The following STXBP5L variants were observed in gnomAD, a reference collection of about 807,000 sequenced individuals.
STXBP5L encodes syntaxin-binding protein 5-like.
In STXBP5L, 65 loss-of-function variants were observed where a neutral mutation model predicts 144.5. The ratio of observed to expected loss-of-function variants is 0.45; its 90% confidence interval spans 0.37 to 0.55. The LOEUF (loss-of-function observed/expected upper bound fraction) is 0.55, where lower values mean the gene tolerates loss of function less well. Among genes scored for constraint, STXBP5L ranks in the 20% least tolerant of loss-of-function variants. The probability of loss-of-function intolerance (pLI) is 0.00; values close to 1 mark genes in which losing one functional copy is unlikely to be tolerated. For synonymous variants in STXBP5L, 505 were observed against 469.6 expected (o/e 1.08, Z -0.97); for missense variants, 1,298 against 1,405.5 (o/e 0.92, Z 1.22).
chr3:121,058,353 A>T (rs956599005), intron 5 of STXBP5L, among the ~76,000 whole-genome samples: 1 of 152,180 alleles, frequency 6.6e-6, no homozygotes, highest in Non-Finnish European at 1.5e-5. Context: ...CATGTGCCAC[A>T]TTTACTTTAT....
At chr3:121,214,249 G>T (rs1202415216) in intron 10 of STXBP5L, among the ~76,000 whole-genome samples, 2 of 152,042 alleles carry the variant, frequency 1.3e-5, no homozygotes, top group African/African-American at 4.8e-5. Context: ...TCTTCTGCTA[G>T]CTTTTGAATA....
intron 9 of STXBP5L, among the ~76,000 whole-genome samples, chr3:121,159,256 T>A (rs989857601): frequency 5.3e-5 from 8 of 152,108 alleles, no homozygotes; most frequent in Admixed American, 5.2e-4. Flanking sequence ...CTATAATTCC[T>A]ATTATAATTC....
At chr3:121,213,924 G>C (rs554255782) in intron 10 of STXBP5L, among the ~76,000 whole-genome samples, 1 of 151,992 alleles carries the variant, frequency 6.6e-6, no homozygotes, top group Non-Finnish European at 1.5e-5. Flanking sequence ...TTTTTCCTGG[G>C]TTAGTCTTGG....
chr3:121,159,764 G>A (rs2046250615), intron 9 of STXBP5L, among the ~76,000 whole-genome samples: 1 of 151,574 alleles, frequency 6.6e-6, no homozygotes, highest in African/African-American at 2.4e-5. Flanking sequence ...CGAGTAGCTG[G>A]GACTACAGGC....
intron 5 of STXBP5L, among the ~76,000 whole-genome samples, chr3:121,063,084 G>C (rs1205867062): frequency 6.6e-6 from 1 of 152,176 alleles, no homozygotes; most frequent in African/African-American, 2.4e-5. Context: ...GAGCAGAAGA[G>C]TCATTCTGGT....
chr3:121,004,157 T>A (rs577319193), intron 3 of STXBP5L, among the ~76,000 whole-genome samples: 3 of 152,132 alleles, frequency 2.0e-5, no homozygotes, highest in Admixed American at 2.0e-4. Context: ...GCCATTTTCA[T>A]GATATTGATT....
At chr3:121,196,561 T>C (rs2047928027) in intron 9 of STXBP5L, among the ~76,000 whole-genome samples, 1 of 152,210 alleles carries the variant, frequency 6.6e-6, no homozygotes, top group African/African-American at 2.4e-5. Context: ...ATTTGTGCTA[T>C]AATCTTTATT....
chr3:121,013,220 G>A (rs1323943008), intron 3 of STXBP5L, among the ~76,000 whole-genome samples: 1 of 151,910 alleles, frequency 6.6e-6, no homozygotes, highest in African/African-American at 2.4e-5. Context: ...CCCATTAATG[G>A]GATTGCTAGG....
In STXBP5L at chr3:121,250,845, T is replaced by C. The variant is rs1264512283; in HGVS notation, c.1441+82T>C. On this transcript the variant is annotated intron_variant, in intron 15 of 26. Coordinates refer to ENST00000471454, the MANE Select transcript of STXBP5L (RefSeq NM_001308330.2). ...AGCTACCACTTTTTAGTTTGGGCAA[T>C]TAAAATTTCAGATATATTTTTAGCA... The C allele has an allele frequency of 8.8e-6, 11 of 1,245,624 alleles. No individual in the cohort carries two copies. The Admixed American group carries it at 2.2e-4, about 25-fold the overall frequency. 77.2% of individuals were successfully genotyped at this position (1,245,624 alleles called of 1,614,324 possible). A position where few individuals can be genotyped will look rare whatever the true frequency, so the allele number is the denominator to read the frequency against.
chr3:121,003,663 T>A (rs1330667876), intron 3 of STXBP5L, among the ~76,000 whole-genome samples: 1 of 152,236 alleles, frequency 6.6e-6, no homozygotes, highest in Non-Finnish European at 1.5e-5. Context: ...CTAGGTTTTC[T>A]TCTAGGGTTT....
At chr3:121,216,185 A>G (rs1472523932) in intron 10 of STXBP5L, among the ~76,000 whole-genome samples, 1 of 152,164 alleles carries the variant, frequency 6.6e-6, no homozygotes, top group Non-Finnish European at 1.5e-5. Flanking sequence ...TCTGAAGCCT[A>G]CATCTTTCAA....
intron 20 of STXBP5L, among the ~76,000 whole-genome samples, chr3:121,370,309 G>T (rs1158662736): frequency 6.6e-6 from 1 of 152,008 alleles, no homozygotes; most frequent in East Asian, 1.9e-4. Flanking sequence ...CAGAGGTTGC[G>T]GTGAGCTGAC....
chr3:121,148,565 T>C (rs530212343), intron 7 of STXBP5L, among the ~76,000 whole-genome samples: 1 of 152,172 alleles, frequency 6.6e-6, no homozygotes, highest in South Asian at 2.1e-4. Context: ...AAATGATAAA[T>C]GAGACAAAGA....
At position 121,041,835 on chromosome 3, in the gene STXBP5L, A is replaced by G. The variant is rs1057105601; in HGVS notation, c.369+54A>G. On this transcript the variant is annotated intron_variant, in intron 4 of 26. Coordinates refer to ENST00000471454, the MANE Select transcript of STXBP5L (RefSeq NM_001308330.2). Reference sequence around the variant, plus strand: ...CACACACTCCCCCACTACACAGTGAATCAGTTAATGTAATCTTTTAAATAC... The same window carrying G: ...CACACACTCCCCCACTACACAGTGAGTCAGTTAATGTAATCTTTTAAATAC... 6.0e-5 allele frequency: 70 copies of G among 1,157,514 alleles called. No individual in the cohort carries two copies. In the African/African-American group the frequency reaches 9.6e-4, roughly 16 times the overall value. The allele number at this position is 1,157,514 out of a possible 1,614,324, so 71.7% of individuals were successfully genotyped here.
intron 5 of STXBP5L, among the ~76,000 whole-genome samples, chr3:121,090,131 A>T (rs2042704915): frequency 6.6e-6 from 1 of 152,138 alleles, no homozygotes; most frequent in Non-Finnish European, 1.5e-5. Flanking sequence ...TGATTTTTAA[A>T]TTAAAACCTG....
Position 121,237,891 on chromosome 3 carries a change from C to T in STXBP5L, c.1185-1080C>T, listed in dbSNP as rs896416441. Among the ~76,000 whole-genome samples, 5 of 152,180 alleles carry T rather than the reference C, an allele frequency of 3.3e-5. No homozygotes were observed. The South Asian group carries it at 6.2e-4, about 19-fold the overall frequency. On this transcript the variant is annotated intron_variant, in intron 12 of 26. Coordinates refer to ENST00000471454, the MANE Select transcript of STXBP5L (RefSeq NM_001308330.2). ...AACAATGGGGATATTTGCTCCAGTT[C>T]CAATAAGTTCCTAATTTCTGTCTGA...
At chr3:121,397,368 G>T (rs574895227) in intron 22 of STXBP5L, among the ~76,000 whole-genome samples, 1 of 152,066 alleles carries the variant, frequency 6.6e-6, no homozygotes, top group Non-Finnish European at 1.5e-5. Context: ...TCTTAATTAC[G>T]AAAACTGCAG....
At chr3:121,082,668 A>G (rs574797905) in intron 5 of STXBP5L, among the ~76,000 whole-genome samples, 6 of 152,340 alleles carry the variant, frequency 3.9e-5, no homozygotes, top group African/African-American at 1.4e-4. Flanking sequence ...GAGGGACATG[A>G]CAGTGTGTGT....
intron 24 of STXBP5L, among the ~76,000 whole-genome samples, chr3:121,415,022 G>A (rs1458060995): frequency 6.6e-6 from 1 of 152,138 alleles, no homozygotes; most frequent in Non-Finnish European, 1.5e-5. Flanking sequence ...CATTTCCAAA[G>A]AGAAGGGCTT....
Sources: gnomAD v4.1 joint callset for allele counts (sites outside exome capture counted in the v4.1 genomes callset) on GRCh38, gnomAD v4.1.1 for gene constraint, MANE v1.5 for transcripts, NCBI Gene and HGNC (gene_info 2026-07-23, HGNC 2026-07-21) for gene names.